THSD7A: variants seen among roughly 807,000 people sequenced by gnomAD.
THSD7A encodes the protein thrombospondin type-1 domain-containing protein 7A.
Under a neutral mutation model 231.3 loss-of-function variants are expected in THSD7A, and 96 were observed. The ratio of observed to expected loss-of-function variants is 0.41; its 90% CI spans 0.35 to 0.49. The LOEUF is 0.49. Among genes scored for constraint, THSD7A ranks in the 20% least tolerant of loss-of-function variants. The pLI, the probability that THSD7A is intolerant of heterozygous loss-of-function variation, is 0.05. For synonymous variants in THSD7A, 940 were observed against 743.3 expected, an observed-to-expected ratio of 1.26 and a Z score of -4.30; for missense variants, 2,290 against 2,070.2, an observed-to-expected ratio of 1.11 and a Z score of -2.06.
At chr7:11,413,506 A>AAATT (rs1783857877) in intron 17 of THSD7A, among the ~76,000 whole-genome samples, 1 of 152,178 alleles carries the variant, frequency 6.6e-6, no homozygotes, top group South Asian at 2.1e-4. Flanking sequence ...AACAGTAAGA[A>AAATT]AATTATGGCA....
intron 4 of THSD7A, among the ~76,000 whole-genome samples, chr7:11,563,351 ATTAAG>A (rs2128330659): frequency 6.6e-6 from 1 of 152,084 alleles, no homozygotes; most frequent in African/African-American, 2.4e-5. Context: ...ATAACTCATT[ATTAAG>A]TTTATTTTAT....
rs576814232 is a variant in THSD7A, at chr7:11,828,992, T to A, written c.190+2765A>T. Among the ~76,000 whole-genome samples the A allele has an allele frequency of 2.6e-5, 4 of 152,250 alleles. No homozygotes were observed. The East Asian group carries it at 7.7e-4, about 29-fold the overall frequency. ...AGACCTTTATGATGATCCAGTTCCA[T>A]TTAATGAATAGTAAATATATTGTCT... On this transcript the variant is annotated intron_variant, in intron 1 of 27. Transcript: ENST00000423059.
chr7:11,788,679 T>A (rs1486801674), intron 1 of THSD7A, among the ~76,000 whole-genome samples: 1 of 152,048 alleles, frequency 6.6e-6, no homozygotes, highest in Non-Finnish European at 1.5e-5. Context: ...GTGGATAAAC[T>A]CACAGGCTCT....
chr7:11,379,173 G>A lies in THSD7A; in HGVS notation c.4698C>T (p.Asp1566=). The A allele has an allele frequency of 1.2e-6, 2 of 1,613,662 alleles. No individual in the cohort carries two copies. Among genetic ancestry groups the A allele is most frequent in the South Asian group, 2.2e-5 (2 of 91,082 alleles). Residue 1566 remains aspartate, a synonymous_variant, in exon 26 of 28, where the codon GAC becomes GAT. Transcript: ENST00000423059. ...IPVVVLPTME[D]KRGDVKTSRA... Reference sequence around the variant, plus strand: ...GACTGGTTTTCACATCTCCTCTTTTGTCCTCCATGGTGGGTAATACCACCA... The same window carrying A: ...GACTGGTTTTCACATCTCCTCTTTTATCCTCCATGGTGGGTAATACCACCA...
intron 1 of THSD7A, among the ~76,000 whole-genome samples, chr7:11,779,669 T>G (rs2128174121): frequency 6.6e-6 from 1 of 152,324 alleles, no homozygotes; most frequent in East Asian, 1.9e-4. Context: ...TCTATTTTTG[T>G]TTTCATAGGC....
At position 11,656,714 on chromosome 7, in the gene THSD7A, A is replaced by G. The variant is rs143781195; in HGVS notation, c.191-19753T>C. Reference sequence around the variant, plus strand: ...TGTGTGTCTAGAATTTTAAACATCAACATATCATTGCCCATCCAGCAAATC... The same window carrying G: ...TGTGTGTCTAGAATTTTAAACATCAGCATATCATTGCCCATCCAGCAAATC... On this transcript the variant is annotated intron_variant, in intron 1 of 27. Coordinates refer to ENST00000423059, the MANE Select transcript of THSD7A (RefSeq NM_015204.3). Among the ~76,000 whole-genome samples the G allele has an allele frequency of 4.2e-3, 640 of 151,948 alleles. 3 individuals carry two copies. The highest frequency in any genetic ancestry group is 0.015 in the African/African-American group (607 of 41,522).
intron 10 of THSD7A, 83 bp downstream of exon 10, chr7:11,461,928 C>G (rs952931579): frequency 6.6e-7 from 1 of 1,525,622 alleles, no homozygotes; most frequent in Non-Finnish European, 8.9e-7. Flanking sequence ...ACAGTGTTGA[C>G]TTCCTTTCCT....
In THSD7A at chr7:11,655,138, T is replaced by C. The variant is rs967252358; in HGVS notation, c.191-18177A>G. 2.0e-5 allele frequency among the ~76,000 whole-genome samples: 3 copies of C among 151,886 alleles called. No individual in the cohort carries two copies. In the South Asian group the frequency reaches 6.2e-4, roughly 31 times the overall value. The stretch of plus-strand genomic sequence containing the variant: ...CAACATTAGGAGCCTATAATTCAGA[T>C]GAATAGCTCACAGTGGGATTGTATT... On this transcript the variant is annotated intron_variant, in intron 1 of 27. Coordinates refer to ENST00000423059, the MANE Select transcript of THSD7A (RefSeq NM_015204.3).
chr7:11,717,272 G>A (rs529294428), intron 1 of THSD7A, among the ~76,000 whole-genome samples: 4 of 151,694 alleles, frequency 2.6e-5, no homozygotes, highest in South Asian at 2.1e-4. Context: ...ACTCTAGCCC[G>A]TCCTTTGAAT....
chr7:11,627,647 A>G (rs986332620), intron 2 of THSD7A, among the ~76,000 whole-genome samples: 1 of 152,158 alleles, frequency 6.6e-6, no homozygotes, highest in African/African-American at 2.4e-5. Context: ...CATAAACTGA[A>G]GCATAAGTTT....
intron 5 of THSD7A, among the ~76,000 whole-genome samples, chr7:11,541,923 G>A (rs983392249): frequency 5.4e-5 from 7 of 129,888 alleles, no homozygotes; most frequent in East Asian, 2.4e-4. Context: ...CTTGTAGGGC[G>A]TAGAGGAGTA....
intron 1 of THSD7A, among the ~76,000 whole-genome samples, chr7:11,690,536 C>A (rs957265654): frequency 9.2e-5 from 14 of 151,644 alleles, no homozygotes; most frequent in African/African-American, 1.2e-4. Context: ...CTCCTCAGCT[C>A]TTCTAGTGAA....
At chr7:11,465,831 A>G (rs1338270358) in intron 9 of THSD7A, among the ~76,000 whole-genome samples, 1 of 152,184 alleles carries the variant, frequency 6.6e-6, no homozygotes, top group African/African-American at 2.4e-5. Flanking sequence ...TATTTGATCA[A>G]AAGTATTGAT....
intron 1 of THSD7A, among the ~76,000 whole-genome samples, chr7:11,712,292 G>C (rs1780993215): frequency 6.6e-6 from 1 of 150,982 alleles, no homozygotes; most frequent in African/African-American, 2.4e-5. Context: ...ACATTCCACA[G>C]TCGAGTACTA....
chr7:11,597,098 C>T (rs984601762), intron 2 of THSD7A, among the ~76,000 whole-genome samples: 1 of 152,194 alleles, frequency 6.6e-6, no homozygotes, highest in Non-Finnish European at 1.5e-5. Flanking sequence ...AGATCTAGTT[C>T]TAGAAGTAGC....
intron 6 of THSD7A, among the ~76,000 whole-genome samples, chr7:11,524,714 C>T (rs1788403240): frequency 6.6e-6 from 1 of 152,120 alleles, no homozygotes; most frequent in Admixed American, 6.6e-5. Context: ...ACAGTCAAAC[C>T]AGAATAATGG....
intron 1 of THSD7A, among the ~76,000 whole-genome samples, chr7:11,728,902 A>G (rs1781632726): frequency 6.6e-6 from 1 of 151,862 alleles, no homozygotes; most frequent in South Asian, 2.1e-4. Flanking sequence ...TAAACAGCAT[A>G]ATAAACCATC....
At chr7:11,756,094 A>C (rs962175241) in intron 1 of THSD7A, among the ~76,000 whole-genome samples, 1 of 151,990 alleles carries the variant, frequency 6.6e-6, no homozygotes, top group African/African-American at 2.4e-5. Flanking sequence ...ACTATATTCC[A>C]GTTTCTTTAT....
intron 1 of THSD7A, among the ~76,000 whole-genome samples, chr7:11,762,452 T>C (rs1479591072): frequency 6.6e-6 from 1 of 152,164 alleles, no homozygotes; most frequent in African/African-American, 2.4e-5. Context: ...GATGGTATCT[T>C]ATGGCTTTAA....
Sources: allele counts gnomAD v4.1 joint callset (sites outside exome capture counted in the v4.1 genomes callset), GRCh38; gene constraint gnomAD v4.1.1; transcripts MANE v1.5; gene names NCBI Gene and HGNC (gene_info 2026-07-23, HGNC 2026-07-21).